WSCD2: variants seen among roughly 807,000 people sequenced by gnomAD.
The protein encoded by WSCD2 is sialate:O-sulfotransferase 2.
Under a neutral mutation model 55.7 loss-of-function variants are expected in WSCD2, and 28 were observed. The ratio of observed to expected loss-of-function variants is 0.50; its 90% CI spans 0.37 to 0.69. The LOEUF (loss-of-function observed/expected upper bound fraction) is 0.69, where lower values mean the gene tolerates loss of function less well. Ranked by LOEUF, WSCD2 falls within the 30% of genes least tolerant of loss-of-function variation. The pLI is 0.00. For synonymous variants in WSCD2, 301 were observed against 301.9 expected, an observed-to-expected ratio of 1.00 and a Z score of 0.03; for missense variants, 616 against 762.1, an observed-to-expected ratio of 0.81 and a Z score of 2.26.
At chr12:108,198,797 C>T (rs1243840337) in intron 2 of WSCD2, among the ~76,000 whole-genome samples, 4 of 152,136 alleles carry the variant, frequency 2.6e-5, no homozygotes, top group Admixed American at 6.5e-5. Context: ...GACCATGTTA[C>T]GTGTTTCATT....
intron 1 of WSCD2, among the ~76,000 whole-genome samples, chr12:108,136,024 G>A (rs1876173507): frequency 6.6e-6 from 1 of 152,186 alleles, no homozygotes; most frequent in Non-Finnish European, 1.5e-5. Context: ...CCTGAGCTTT[G>A]GACTAGGATG....
intron 1 of WSCD2, among the ~76,000 whole-genome samples, chr12:108,187,147 C>A (rs1882605770): frequency 6.6e-6 from 1 of 152,196 alleles, no homozygotes; most frequent in South Asian, 2.1e-4. Flanking sequence ...AGTTTTAGAT[C>A]TGAGCCTACC....
rs546898898 is a variant in WSCD2, at chr12:108,169,657, C to G, written c.-551-25625C>G. ...GACATGCAAACATCTGCATAAAAGTCCACAATCACCATCTTGTCACTGACT... is the reference window on the plus strand; with the variant it reads ...GACATGCAAACATCTGCATAAAAGTGCACAATCACCATCTTGTCACTGACT... On this transcript the variant is annotated intron_variant, in intron 1 of 8. Coordinates refer to ENST00000547525, the MANE Select transcript of WSCD2 (RefSeq NM_014653.4). 4.6e-5 allele frequency among the ~76,000 whole-genome samples: 7 copies of G among 152,230 alleles called. No homozygotes were observed. In the South Asian group the frequency reaches 1.5e-3, roughly 32 times the overall value.
chr12:108,152,538 G>C (rs1005447620), intron 1 of WSCD2, among the ~76,000 whole-genome samples: 1 of 152,168 alleles, frequency 6.6e-6, no homozygotes, highest in African/African-American at 2.4e-5. Context: ...AGCCACATTA[G>C]GGATGATGAC....
chr12:108,227,269 A>C, intron 6 of WSCD2, 105 bp downstream of exon 6: 1 of 1,374,952 alleles, frequency 7.3e-7, no homozygotes. Context: ...CAAGGAGAAA[A>C]CCATGCAAGC....
intron 1 of WSCD2, among the ~76,000 whole-genome samples, chr12:108,186,835 TAAG>T (rs2137018390): frequency 6.6e-6 from 1 of 152,292 alleles, no homozygotes; most frequent in South Asian, 2.1e-4. Context: ...AGCACCATGG[TAAG>T]AAGAGACAAA....
intron 1 of WSCD2, among the ~76,000 whole-genome samples, chr12:108,182,220 G>C (rs1881867753): frequency 6.6e-6 from 1 of 152,200 alleles, no homozygotes; most frequent in Non-Finnish European, 1.5e-5. Context: ...CCAAAAGGGA[G>C]ATTCTTGCTC....
At chr12:108,227,329 C>T (rs1888218586) in intron 6 of WSCD2, among the ~76,000 whole-genome samples, 165 bp downstream of exon 6, 1 of 152,234 alleles carries the variant, frequency 6.6e-6, no homozygotes, top group African/African-American at 2.4e-5. Context: ...CCTGGATGGG[C>T]AACAGAAGGA....
At chr12:108,164,905 G>A (rs1436958168) in intron 1 of WSCD2, among the ~76,000 whole-genome samples, 1 of 152,148 alleles carries the variant, frequency 6.6e-6, no homozygotes, top group African/African-American at 2.4e-5. Context: ...GGGGACAAAG[G>A]GGGTACCCAG....
chr12:108,142,794 C>T (rs1876970766), intron 1 of WSCD2, among the ~76,000 whole-genome samples: 1 of 151,870 alleles, frequency 6.6e-6, no homozygotes, highest in Non-Finnish European at 1.5e-5. Flanking sequence ...TTTCTCCTTC[C>T]TTCTCTCTCT....
chr12:108,207,669 G>A (rs1885589365), intron 3 of WSCD2, among the ~76,000 whole-genome samples: 1 of 151,204 alleles, frequency 6.6e-6, no homozygotes, highest in Admixed American at 6.6e-5. Context: ...TTACAGGTGT[G>A]AGGCACCAAA....
chr12:108,248,339 G>C lies in WSCD2; in HGVS notation c.1694G>C (p.Arg565Thr). Residue 565 changes from arginine (R) to threonine (T), a missense_variant, in exon 9 of 9, where the codon AGA becomes ACA. Transcript: ENST00000547525. This position sits in a 1 kb window ranked among gnomAD's most constrained non-coding sequence, Gnocchi z 4.3. Reference protein sequence around the residue: ...LTGVPDDYYPR With the variant: ...LTGVPDDYYPT ...GGTGTCCCCGATGACTACTACCCAA[G>C]ATGATGCGTCCACACAGGGGGAGGG... is the stretch of plus-strand genomic sequence containing the variant. 6.2e-7 allele frequency: 1 copy of C among 1,609,300 alleles called. No individual in the cohort carries two copies. The highest frequency in any genetic ancestry group is 8.5e-7 in the Non-Finnish European group (1 of 1,176,340).
At chr12:108,184,729 A>G (rs528760607) in intron 1 of WSCD2, among the ~76,000 whole-genome samples, 29 of 152,352 alleles carry the variant, frequency 1.9e-4, no homozygotes, top group African/African-American at 7.0e-4. Context: ...ATGGTATCAT[A>G]ATCATAATCT....
intron 1 of WSCD2, among the ~76,000 whole-genome samples, chr12:108,140,269 C>A (rs1037275859): frequency 2.0e-5 from 3 of 152,284 alleles, no homozygotes. Context: ...AGTGAAGATT[C>A]AATGACCTAA....
intron 1 of WSCD2, among the ~76,000 whole-genome samples, chr12:108,132,919 T>C (rs1565907147): frequency 6.6e-6 from 1 of 152,138 alleles, no homozygotes; most frequent in African/African-American, 2.4e-5. Context: ...TGTGTAGCAT[T>C]GCACACCTGA....
At chr12:108,233,794 G>C (rs1889019688) in intron 7 of WSCD2, among the ~76,000 whole-genome samples, 1 of 152,236 alleles carries the variant, frequency 6.6e-6, no homozygotes, top group Non-Finnish European at 1.5e-5. Context: ...AATGCCCCTT[G>C]GGCATGAAGC....
intron 1 of WSCD2, among the ~76,000 whole-genome samples, chr12:108,192,123 T>C (rs1883246236): frequency 6.6e-6 from 1 of 152,158 alleles, no homozygotes; most frequent in African/African-American, 2.4e-5. Context: ...CGACAGCAAA[T>C]GTGCTGAGGT....
intron 1 of WSCD2, among the ~76,000 whole-genome samples, chr12:108,137,807 G>T (rs1298752617): frequency 3.9e-5 from 6 of 152,200 alleles, no homozygotes; most frequent in Non-Finnish European, 8.8e-5. Context: ...GTAGCCTCTG[G>T]TGTCTGAAAA....
intron 1 of WSCD2, among the ~76,000 whole-genome samples, chr12:108,150,641 A>G (rs1658247604): frequency 6.6e-6 from 1 of 152,122 alleles, no homozygotes; most frequent in African/African-American, 2.4e-5. Flanking sequence ...GACACAGGAG[A>G]GAGGCAGGCA....
Sources: gnomAD v4.1 joint callset for allele counts (sites outside exome capture counted in the v4.1 genomes callset) on GRCh38, gnomAD v4.1.1 for gene constraint, Gnocchi (gnomAD v3.1) non-coding constraint, MANE v1.5 for transcripts, NCBI Gene and HGNC (gene_info 2026-07-23, HGNC 2026-07-21) for gene names.